PSMG2: variants seen among roughly 807,000 people sequenced by gnomAD.
PSMG2 encodes the protein CD40 ligand-activated specific transcript 3.
Under a neutral mutation model 31.5 loss-of-function variants are expected in PSMG2, and 21 were observed. The observed-to-expected ratio is 0.67, with a 90% CI of 0.47 to 0.96. PSMG2 has a LOEUF of 0.96. Among genes scored for constraint, PSMG2 ranks in the 40% least tolerant of loss-of-function variants. PSMG2 has a pLI of 0.00. For synonymous variants in PSMG2, 120 were observed against 110.4 expected (o/e 1.09, Z -0.54); for missense variants, 318 against 321.2 (o/e 0.99, Z 0.08).
intron 1 of PSMG2, chr18:12,686,082 A>T: frequency 2.0e-6 from 1 of 488,102 alleles, no homozygotes; most frequent in Non-Finnish European, 3.6e-6. Flanking sequence ...TTATTATTGT[A>T]ATTTTTTACT....
intron 2 of PSMG2, among the ~76,000 whole-genome samples, chr18:12,709,733 C>T (rs2040309995): frequency 6.6e-6 from 1 of 151,932 alleles, no homozygotes; most frequent in African/African-American, 2.4e-5. Flanking sequence ...CTCCTGACCT[C>T]AGGTGATCCA....
intron 1 of PSMG2, among the ~76,000 whole-genome samples, chr18:12,705,660 G>A (rs1410970922): frequency 6.6e-6 from 1 of 151,166 alleles, no homozygotes; most frequent in Non-Finnish European, 1.5e-5. Flanking sequence ...CACTAATAAA[G>A]CAAATGGTAA....
At chr18:12,673,620 C>G (rs1356742633) in intron 1 of PSMG2, 1 of 739,978 alleles carries the variant, frequency 1.4e-6, no homozygotes, top group African/African-American at 1.9e-5. Context: ...TGGCTCATGC[C>G]TGTAATCCCA....
intron 1 of PSMG2, among the ~76,000 whole-genome samples, chr18:12,681,879 C>T (rs1412232095): frequency 6.6e-6 from 1 of 151,450 alleles, no homozygotes; most frequent in Non-Finnish European, 1.5e-5. Flanking sequence ...GCCTGTAATC[C>T]CAGCTACTCA....
intron 1 of PSMG2, among the ~76,000 whole-genome samples, chr18:12,660,157 T>C (rs1331491736): frequency 6.6e-6 from 1 of 152,124 alleles, no homozygotes; most frequent in African/African-American, 2.4e-5. Context: ...AACTGAGGAA[T>C]CTATGAGCCA....
chr18:12,673,363 C>A (rs1181252044), intron 1 of PSMG2: 1 of 1,598,764 alleles, frequency 6.3e-7, no homozygotes, highest in Non-Finnish European at 8.5e-7. Context: ...TAAATATTGG[C>A]CCTATAATAC....
At chr18:12,723,456 ATCT>A (rs1012343832) in intron 5 of PSMG2, among the ~76,000 whole-genome samples, 2 of 152,008 alleles carry the variant, frequency 1.3e-5, no homozygotes, top group African/African-American at 4.8e-5. Context: ...TATGTATTAA[ATCT>A]TTTTTTCTTC....
chr18:12,680,260 A>G (rs2039297143), intron 1 of PSMG2, among the ~76,000 whole-genome samples: 1 of 152,150 alleles, frequency 6.6e-6, no homozygotes, highest in Non-Finnish European at 1.5e-5. Context: ...ACGTACCTTC[A>G]AGTACCATCA....
chr18:12,703,034 G>C, upstream of PSMG2: 1 of 1,539,354 alleles, frequency 6.5e-7, no homozygotes, highest in Non-Finnish European at 8.8e-7. Flanking sequence ...CCGGGGTCTC[G>C]GGCTTCCGCC....
In PSMG2 at chr18:12,665,797, A is replaced by T. The variant is rs560807122; in HGVS notation, c.-37+7024A>T. On this transcript the variant is annotated intron_variant, in intron 1 of 6. Coordinates refer to the PSMG2 transcript ENST00000585331. ...ACTGCAACCTCTGCCTCCCAGGCTCATGCAGTTCTCCTGCCTCAGCCTCCC... is the reference window on the plus strand; with the variant it reads ...ACTGCAACCTCTGCCTCCCAGGCTCTTGCAGTTCTCCTGCCTCAGCCTCCC... Among the ~76,000 whole-genome samples, 8 of 152,294 alleles carry T rather than the reference A, an allele frequency of 5.3e-5. No individual in the cohort carries two copies. The East Asian group carries it at 1.3e-3, about 26-fold the overall frequency.
chr18:12,708,136 A>T (rs2040287999), intron 2 of PSMG2, among the ~76,000 whole-genome samples: 1 of 152,018 alleles, frequency 6.6e-6, no homozygotes, highest in East Asian at 1.9e-4. Flanking sequence ...AAAAGAAAAA[A>T]ATTAGCCAAC....
chr18:12,697,283 G>A (rs756810771), intron 1 of PSMG2: 1 of 1,613,790 alleles, frequency 6.2e-7, no homozygotes, highest in South Asian at 1.1e-5. Context: ...AAAACCGATC[G>A]CCATTCCAGA....
chr18:12,658,856 C>G (rs2038636530), intron 1 of PSMG2: 1 of 309,686 alleles, frequency 3.2e-6, no homozygotes, highest in South Asian at 2.5e-5. Flanking sequence ...GGAATATAAA[C>G]ATGTACATAA....
intron 3 of PSMG2, among the ~76,000 whole-genome samples, chr18:12,716,390 A>ATTTTTTT (rs552921643): frequency 7.7e-6 from 1 of 130,356 alleles, no homozygotes; most frequent in Non-Finnish European, 1.6e-5. Flanking sequence ...TAAAGAGTGA[A>ATTTTTTT]TTTTTTTTTT....
At chr18:12,697,252 G>A (rs1293588876) in intron 1 of PSMG2, 4 of 1,613,318 alleles carry the variant, frequency 2.5e-6, no homozygotes, top group African/African-American at 1.3e-5. Context: ...AGTCAGACTG[G>A]TCACTCCATT....
At chr18:12,703,777 C>A (rs960096810) in intron 1 of PSMG2, among the ~76,000 whole-genome samples, 1 of 152,114 alleles carries the variant, frequency 6.6e-6, no homozygotes, top group African/African-American at 2.4e-5. Context: ...AGGGGAGGGA[C>A]AGATGGCTTG....
At chr18:12,703,025 C>A (rs954299048), upstream of PSMG2, 6 of 1,496,656 alleles carry the variant, frequency 4.0e-6, no homozygotes, top group East Asian at 1.5e-4. Context: ...CGCGAGGCTC[C>A]GGGGTCTCGG....
At chr18:12,709,324 G>A (rs2040304664) in intron 2 of PSMG2, among the ~76,000 whole-genome samples, 2 of 151,498 alleles carry the variant, frequency 1.3e-5, no homozygotes, top group South Asian at 2.1e-4. Context: ...GATTACAGGC[G>A]TGAGCCACCG....
intron 1 of PSMG2, chr18:12,692,390 T>TGGC (rs1202613134): frequency 6.6e-6 from 1 of 152,090 alleles, no homozygotes; most frequent in Non-Finnish European, 1.5e-5. Flanking sequence ...ATACCTGCCC[T>TGGC]GGCCTATGAA....
Sources: gnomAD v4.1 joint callset for allele counts (sites outside exome capture counted in the v4.1 genomes callset) on GRCh38, gnomAD v4.1.1 for gene constraint, MANE v1.5 for transcripts, NCBI Gene and HGNC (gene_info 2026-07-23, HGNC 2026-07-21) for gene names.